The following MN1 variants were observed in gnomAD, a reference collection of about 807,000 sequenced individuals.
MN1 encodes MN1 proto-oncogene, transcriptional regulator, also known as transcriptional activator MN1.
MN1 carries 19 observed loss-of-function variants against 86.9 expected under a neutral mutation model. The observed-to-expected ratio is 0.22, with a 90% CI of 0.15 to 0.32. MN1 has a LOEUF of 0.32. Among genes scored for constraint, MN1 ranks in the 10% least tolerant of loss-of-function variants. The pLI, the probability that MN1 is intolerant of heterozygous loss-of-function variation, is 1.00. For missense variants in MN1, 1,841 were observed against 1,862.0 expected (o/e 0.99, Z 0.21); for synonymous variants, 928 against 849.6 (o/e 1.09, Z -1.60).
chr22:27,772,694 C>T (rs1255774011), intron 1 of MN1, among the ~76,000 whole-genome samples: 2 of 152,126 alleles, frequency 1.3e-5, no homozygotes, highest in Non-Finnish European at 2.9e-5. Flanking sequence ...GCAGCTGCGC[C>T]CCTTTGGGCC....
intron 1 of MN1, among the ~76,000 whole-genome samples, chr22:27,759,245 C>T (rs985047275): frequency 1.3e-5 from 2 of 152,046 alleles, no homozygotes; most frequent in Non-Finnish European, 2.9e-5. Flanking sequence ...GTCTGCGGGG[C>T]CCCACAACCC....
At chr22:27,783,333 T>C (rs1933079225) in intron 1 of MN1, among the ~76,000 whole-genome samples, 1 of 152,236 alleles carries the variant, frequency 6.6e-6, no homozygotes, top group South Asian at 2.1e-4. Context: ...GATTTTACCA[T>C]GTTGGCCATG....
intron 1 of MN1, among the ~76,000 whole-genome samples, chr22:27,770,474 G>A (rs561729191): frequency 1.1e-4 from 16 of 152,226 alleles, no homozygotes; most frequent in African/African-American, 3.1e-4. Context: ...ATCCACCTCT[G>A]CCTTGTCCCA....
intron 1 of MN1, among the ~76,000 whole-genome samples, 176 bp from the exon 2 acceptor site, chr22:27,751,272 C>G (rs1444742902): frequency 6.6e-6 from 1 of 152,156 alleles, no homozygotes; most frequent in Non-Finnish European, 1.5e-5. Context: ...TTGCTGTTAC[C>G]CCTGATTCAT....
At chr22:27,791,215 G>A (rs559618062) in intron 1 of MN1, among the ~76,000 whole-genome samples, 5 of 152,174 alleles carry the variant, frequency 3.3e-5, no homozygotes, top group African/African-American at 9.6e-5. Flanking sequence ...CCTCAGCTGT[G>A]CTCTTTCGAG....
At position 27,758,930 on chromosome 22, in the gene MN1, A is replaced by G. The variant is rs529184220; in HGVS notation, c.3782-7834T>C. On this transcript the variant is annotated intron_variant, in intron 1 of 1. Transcript: ENST00000302326. Reference sequence around the variant, plus strand: ...AACCTCTGCCTCCCAGGCTCAAGCAATACTCCCACCTCAGCCTCCCAAGTA... The same window carrying G: ...AACCTCTGCCTCCCAGGCTCAAGCAGTACTCCCACCTCAGCCTCCCAAGTA... Among the ~76,000 whole-genome samples, 100 of 152,210 alleles carry G rather than the reference A, an allele frequency of 6.6e-4. 1 individual carries two copies. The highest frequency in any genetic ancestry group is 3.0e-3 in the Admixed American group (46 of 15,294).
chr22:27,797,841 G>A lies in MN1; in HGVS notation c.2703C>T (p.Ser901=), dbSNP rs534810691. The part of the protein sequence containing the change: ...GGPSGTSSSG[S]KASGPPNPPA... ...GAGGGTTGGGCGGCCCCGAGGCTTT[G>A]GAGCCGCTGCTACTGGTCCCGGACG... Residue 901 remains serine (S), a synonymous_variant, in exon 1 of 2, where the codon TCC becomes TCT. Coordinates refer to ENST00000302326, the MANE Select transcript of MN1 (RefSeq NM_002430.3). The A allele has an allele frequency of 1.8e-5, 29 of 1,578,090 alleles. No homozygotes were observed. The East Asian group carries it at 6.3e-4, about 34-fold the overall frequency.
rs764903521 is a variant in MN1, at chr22:27,797,555, C to T, written c.2989G>A (p.Ala997Thr). The T allele has an allele frequency of 6.2e-7, 1 of 1,607,246 alleles. No individual in the cohort carries two copies. The highest frequency in any genetic ancestry group is 1.1e-5 in the South Asian group (1 of 90,598). Residue 997 changes from alanine to threonine, a missense_variant, in exon 1 of 2, where the codon GCA becomes ACA. By Grantham distance (58) the Ala-to-Thr change is moderately conservative. Coordinates refer to ENST00000302326, the MANE Select transcript of MN1 (RefSeq NM_002430.3). ...GGSSAGETRG[A>T]PTPHEKALTS... ...AGCGCCTTTTCGTGGGGCGTCGGTG[C>T]CCCGCGCGTCTCGCCTGCGGAGCTT...
intron 1 of MN1, among the ~76,000 whole-genome samples, chr22:27,788,880 CA>C (rs1337066725): frequency 6.6e-6 from 1 of 152,128 alleles, no homozygotes; most frequent in Non-Finnish European, 1.5e-5. Context: ...CGAGTGGCAT[CA>C]GAAAGACCCC....
intron 1 of MN1, among the ~76,000 whole-genome samples, chr22:27,754,312 G>C (rs1932788596): frequency 6.6e-6 from 1 of 152,166 alleles, no homozygotes; most frequent in African/African-American, 2.4e-5. Flanking sequence ...TGGATTTAAT[G>C]AGGGCATCCC....
At chr22:27,765,518 G>A (rs1055036664) in intron 1 of MN1, among the ~76,000 whole-genome samples, 3 of 152,214 alleles carry the variant, frequency 2.0e-5, no homozygotes, top group African/African-American at 7.2e-5. Context: ...TCGAGCGGGG[G>A]CTCCCAGCAC....
At chr22:27,778,883 C>T (rs1366122431) in intron 1 of MN1, among the ~76,000 whole-genome samples, 1 of 152,222 alleles carries the variant, frequency 6.6e-6, no homozygotes, top group African/African-American at 2.4e-5. Context: ...CAGGCAAATG[C>T]AACCTACGAA....
chr22:27,790,719 G>A (rs1215975896), intron 1 of MN1, among the ~76,000 whole-genome samples: 1 of 152,088 alleles, frequency 6.6e-6, no homozygotes, highest in African/African-American at 2.4e-5. Context: ...AGGGGGCACT[G>A]ATTCAAAGAT....
intron 1 of MN1, among the ~76,000 whole-genome samples, chr22:27,765,775 G>T (rs1932865089): frequency 6.6e-6 from 1 of 152,236 alleles, no homozygotes; most frequent in African/African-American, 2.4e-5. Context: ...TTGAACCCAG[G>T]TCTACATGAG....
chr22:27,796,029 G>C (rs1257889013), intron 1 of MN1, among the ~76,000 whole-genome samples: 1 of 152,068 alleles, frequency 6.6e-6, no homozygotes, highest in Non-Finnish European at 1.5e-5. Context: ...ATACACAAAT[G>C]ATGTCCAAGC....
intron 1 of MN1, among the ~76,000 whole-genome samples, chr22:27,783,698 G>C (rs1933084132): frequency 6.6e-6 from 1 of 152,162 alleles, no homozygotes. Context: ...CAAAAAACAG[G>C]AGAAGGTCTT....
chr22:27,793,605 G>A (rs568097018), intron 1 of MN1, among the ~76,000 whole-genome samples: 1 of 152,234 alleles, frequency 6.6e-6, no homozygotes, highest in South Asian at 2.1e-4. Flanking sequence ...TGTTGGGTGG[G>A]TTGATTAAGA....
At chr22:27,751,196 G>T in intron 1 of MN1, 100 bp from the exon 2 acceptor site, 2 of 941,448 alleles carry the variant, frequency 2.1e-6, no homozygotes, top group Non-Finnish European at 3.0e-6. Context: ...GACAGGCACC[G>T]TCCACGCCCT....
At chr22:27,776,327 A>T (rs768392496) in intron 1 of MN1, among the ~76,000 whole-genome samples, 22 of 152,212 alleles carry the variant, frequency 1.4e-4, no homozygotes, top group Non-Finnish European at 2.8e-4. Context: ...AAGGCTGATA[A>T]GGAATTTATC....
Sources: allele counts gnomAD v4.1 joint callset (sites outside exome capture counted in the v4.1 genomes callset), GRCh38; gene constraint gnomAD v4.1.1; transcripts MANE v1.5; gene names NCBI Gene and HGNC (gene_info 2026-07-23, HGNC 2026-07-21).